The following PPARGC1B variants were observed in gnomAD, a reference collection of about 807,000 sequenced individuals.
PPARGC1B encodes the protein PPARG coactivator 1 beta.
Under a neutral mutation model 101.6 loss-of-function variants are expected in PPARGC1B, and 34 were observed. That is an observed-to-expected ratio of 0.33 (90% CI 0.25 to 0.45). The LOEUF (loss-of-function observed/expected upper bound fraction) is 0.45, where lower values mean the gene tolerates loss of function less well. Ranked by LOEUF, PPARGC1B falls within the 20% of genes least tolerant of loss-of-function variation. The probability of loss-of-function intolerance (pLI) is 1.00; values close to 1 mark genes in which losing one functional copy is unlikely to be tolerated. For synonymous variants in PPARGC1B, 548 were observed against 539.3 expected (o/e 1.02, Z -0.22); for missense variants, 1,234 against 1,317.6 (o/e 0.94, Z 0.98).
chr5:149,856,651 G>A (rs1329072597), downstream of PPARGC1B, among the ~76,000 whole-genome samples: 1 of 152,104 alleles, frequency 6.6e-6, no homozygotes, highest in Non-Finnish European at 1.5e-5. Flanking sequence ...TGAACTCAAA[G>A]GTCCTTTATG....
At chr5:149,791,562 A>G (rs1425749608) in intron 1 of PPARGC1B, among the ~76,000 whole-genome samples, 1 of 152,134 alleles carries the variant, frequency 6.6e-6, no homozygotes, top group Admixed American at 6.6e-5. Flanking sequence ...ACCTATGGGA[A>G]GAGTGTGTGT....
intron 1 of PPARGC1B, among the ~76,000 whole-genome samples, chr5:149,781,680 C>G (rs560288113): frequency 1.3e-5 from 2 of 152,296 alleles, no homozygotes. Context: ...TTCTGCTTTA[C>G]GGAATTTAGT....
chr5:149,826,923 C>T (rs1325052480), intron 3 of PPARGC1B, 38 bp downstream of exon 3: 2 of 1,500,822 alleles, frequency 1.3e-6, no homozygotes, highest in African/African-American at 2.7e-5. Context: ...TGGTTGCAGC[C>T]TGGGATTAGG....
At chr5:149,746,494 CATTT>C (rs1252502563) in intron 1 of PPARGC1B, among the ~76,000 whole-genome samples, 3 of 152,194 alleles carry the variant, frequency 2.0e-5, no homozygotes, top group Non-Finnish European at 1.5e-5. Flanking sequence ...CTTATCCATT[CATTT>C]GTTAGTGAAT....
Position 149,838,929 on chromosome 5 carries a change from C to T in PPARGC1B, c.2619-1112C>T, listed in dbSNP as rs1284088054. Among the ~76,000 whole-genome samples the T allele has an allele frequency of 2.0e-5, 3 of 152,228 alleles. No homozygotes were observed. The East Asian group carries it at 5.8e-4, about 29-fold the overall frequency. Reference sequence around the variant, plus strand: ...AAATCTTGAACTCCACGATACCTTCCAGGCACTCTCAGCTCTTCAGGTGGG... The same window carrying T: ...AAATCTTGAACTCCACGATACCTTCTAGGCACTCTCAGCTCTTCAGGTGGG... On this transcript the variant is annotated intron_variant, in intron 8 of 11. Coordinates refer to ENST00000309241, the MANE Select transcript of PPARGC1B (RefSeq NM_133263.4).
chr5:149,763,731 A>G (rs896490970), intron 1 of PPARGC1B, among the ~76,000 whole-genome samples: 5 of 151,470 alleles, frequency 3.3e-5, no homozygotes, highest in African/African-American at 7.3e-5. Context: ...AGGTCTCACT[A>G]TGTTGCTTAG....
At chr5:149,736,608 C>T (rs979428249) in intron 1 of PPARGC1B, among the ~76,000 whole-genome samples, 1 of 152,172 alleles carries the variant, frequency 6.6e-6, no homozygotes, top group East Asian at 1.9e-4. Flanking sequence ...TAGATTCCTG[C>T]AGTTACTACC....
chr5:149,837,065 G>T lies in PPARGC1B; in HGVS notation c.2610G>T (p.Arg870Ser). 1 of 1,612,102 alleles carries T rather than the reference G, an allele frequency of 6.2e-7. No homozygotes were observed. Among genetic ancestry groups the T allele is most frequent in the Non-Finnish European group, 8.5e-7 (1 of 1,179,370 alleles). The part of the protein sequence containing the change: ...PCHSWSPATR[R>S]NFRCESRGPC... Reference sequence around the variant, plus strand: ...ACTCCTGGTCACCAGCCACTCGAAGGAACTTCAGGTATGAACAGGGGGCTG... The same window carrying T: ...ACTCCTGGTCACCAGCCACTCGAAGTAACTTCAGGTATGAACAGGGGGCTG... The change falls in exon 8 of 12, where the codon AGG becomes AGT. Residue 870 changes from arginine to serine, a missense_variant. By Grantham distance (110) the Arg-to-Ser change is moderately radical (BLOSUM62 -1). Coordinates refer to ENST00000309241, the MANE Select transcript of PPARGC1B (RefSeq NM_133263.4). The surrounding 1 kb of genome is among the most constrained non-coding windows in gnomAD (Gnocchi z 4.2).
intron 1 of PPARGC1B, among the ~76,000 whole-genome samples, chr5:149,752,216 G>A (rs1275558451): frequency 1.3e-5 from 2 of 152,194 alleles, no homozygotes; most frequent in African/African-American, 4.8e-5. Context: ...CTACATGTCC[G>A]TTAATATGTA....
In PPARGC1B at chr5:149,778,088, CACACACACACACACACACACACAG is replaced by C. The variant is rs1423534092; in HGVS notation, c.79-42343_79-42320del. Reference sequence around the variant, plus strand: ...TCACACACACACACACACACACACACACACACACACACACACACACACAGAGTACCCAGCTGCTCACATTCCATG... The same window carrying C: ...TCACACACACACACACACACACACACAGTACCCAGCTGCTCACATTCCATG... On this transcript the variant is annotated intron_variant, in intron 1 of 11. Transcript: ENST00000309241. Among the ~76,000 whole-genome samples the C allele has an allele frequency of 4.6e-3, 619 of 134,006 alleles. 94 individuals carry two copies. Among genetic ancestry groups the C allele is most frequent in the Admixed American group, 0.044 (569 of 12,834 alleles). The allele number at this position is 134,006 out of a possible 152,430, so 87.9% of individuals were successfully genotyped here.
intron 2 of PPARGC1B, 44 bp downstream of exon 2, chr5:149,820,650 C>T (rs1382255946): frequency 1.9e-6 from 3 of 1,568,156 alleles, no homozygotes; most frequent in African/African-American, 2.7e-5. Flanking sequence ...TGCCAGGCCT[C>T]TCTCTCCTCA....
intron 1 of PPARGC1B, among the ~76,000 whole-genome samples, chr5:149,745,225 G>C (rs1755044692): frequency 6.6e-6 from 1 of 152,140 alleles, no homozygotes; most frequent in African/African-American, 2.4e-5. Flanking sequence ...TTAGTTGTGT[G>C]ATCTAAGGAG....
chr5:149,819,514 C>T (rs11952617), intron 1 of PPARGC1B, among the ~76,000 whole-genome samples: 11,412 of 149,924 alleles, frequency 0.076, 518 homozygotes, highest in East Asian at 0.16. Context: ...GTTTGTTTTT[C>T]GTTTTTTTGA....
In PPARGC1B at chr5:149,852,146, T is replaced by G. The variant is rs895777395; in HGVS notation, c.*4588T>G. 1 of 152,224 alleles carries G rather than the reference T, an allele frequency of 6.6e-6. No individual in the cohort carries two copies. The highest frequency in any genetic ancestry group is 2.4e-5 in the African/African-American group (1 of 41,446). 9.4% of individuals were successfully genotyped at this position (152,224 alleles called of 1,614,324 possible). On this transcript the variant is annotated 3_prime_UTR_variant, in exon 12 of 12. Coordinates refer to ENST00000309241, the MANE Select transcript of PPARGC1B (RefSeq NM_133263.4). The stretch of plus-strand genomic sequence containing the variant: ...TGAAACAGGGAGCCATGGGTTTAGA[T>G]CTTGGTACCTACCTTTACAGAAAGA...
intron 1 of PPARGC1B, among the ~76,000 whole-genome samples, chr5:149,741,116 C>T (rs1475933717): frequency 6.6e-6 from 1 of 152,110 alleles, no homozygotes; most frequent in Non-Finnish European, 1.5e-5. Context: ...CCGGGTGAGC[C>T]CTGCTTGGCT....
Position 149,854,776 on chromosome 5 carries a change from A to G in PPARGC1B, c.*7218A>G, listed in dbSNP as rs923803224. Reference sequence around the variant, plus strand: ...TTGTATTTGTACATTGTCAGATTCTATAGTTTCCTAGATAATTTAACCAAA... The same window carrying G: ...TTGTATTTGTACATTGTCAGATTCTGTAGTTTCCTAGATAATTTAACCAAA... On this transcript the variant is annotated 3_prime_UTR_variant, in exon 12 of 12. Transcript: ENST00000309241. 1 of 152,118 alleles carries G rather than the reference A, an allele frequency of 6.6e-6. No individual in the cohort carries two copies. Among genetic ancestry groups the G allele is most frequent in the African/African-American group, 2.4e-5 (1 of 41,418 alleles). 9.4% of individuals were successfully genotyped at this position (152,118 alleles called of 1,614,324 possible). A position where few individuals can be genotyped will look rare whatever the true frequency, so the allele number is the denominator to read the frequency against.
chr5:149,738,886 C>T (rs552884183), intron 1 of PPARGC1B, among the ~76,000 whole-genome samples: 5 of 152,366 alleles, frequency 3.3e-5, no homozygotes, highest in Non-Finnish European at 4.4e-5. Context: ...TGAACCACCG[C>T]GTCCAGCCTC....
Position 149,833,388 on chromosome 5 carries a change from G to A in PPARGC1B, c.1315G>A (p.Glu439Lys). ...QEEEDEEEEE[E>K]EEEEEKEEEE... ...GGAGGAAGACGAGGAAGAAGAGGAG[G>A]AGGAAGAGGAAGAAGAAAAAGAGGA... The change falls in exon 5 of 12, where the codon GAG becomes AAG. Residue 439 changes from glutamate to lysine, a missense_variant. Physicochemically the swap from Glu to Lys is moderately conservative, Grantham distance 56. This residue lies in a region of PPARGC1B where 734 missense variants were observed against 768.4 expected (regional missense o/e 0.96). Transcript: ENST00000309241. The surrounding 1 kb of genome is among the most constrained non-coding windows in gnomAD (Gnocchi z 4.1). 1 of 1,611,364 alleles carries A rather than the reference G, an allele frequency of 6.2e-7. No individual in the cohort carries two copies. The highest frequency in any genetic ancestry group is 1.1e-5 in the South Asian group (1 of 90,878).
intron 2 of PPARGC1B, among the ~76,000 whole-genome samples, chr5:149,822,180 C>T (rs2113361962): frequency 6.6e-6 from 1 of 152,282 alleles, no homozygotes; most frequent in South Asian, 2.1e-4. Flanking sequence ...GCAGAGAACT[C>T]ATGAGTGAAA....
Sources: gnomAD v4.1 joint callset for allele counts (sites outside exome capture counted in the v4.1 genomes callset) on GRCh38, gnomAD v4.1.1 for gene constraint, gnomAD v4.1.1 regional missense constraint, Gnocchi (gnomAD v3.1) non-coding constraint, MANE v1.5 for transcripts, NCBI Gene and HGNC (gene_info 2026-07-23, HGNC 2026-07-21) for gene names.